Variants in RPH3A observed in about 807,000 individuals in gnomAD.
RPH3A encodes rabphilin 3A.
Under a neutral mutation model 102.2 loss-of-function variants are expected in RPH3A, and 48 were observed. That is an observed-to-expected ratio of 0.47 (90% CI 0.37 to 0.60). RPH3A has a LOEUF of 0.60. RPH3A is among the 20% of genes least tolerant of loss of function. The pLI is 0.00. For missense variants in RPH3A, 781 were observed against 910.1 expected, an observed-to-expected ratio of 0.86 and a Z score of 1.83; for synonymous variants, 310 against 324.3, an observed-to-expected ratio of 0.96 and a Z score of 0.47.
At chr12:112,637,592 C>T (rs1010630581) in intron 1 of RPH3A, among the ~76,000 whole-genome samples, 47 of 152,118 alleles carry the variant, frequency 3.1e-4, no homozygotes, top group African/African-American at 1.1e-3. Flanking sequence ...AAATACTCTG[C>T]ATATTATGCT....
chr12:112,711,347 C>T (rs1306818374), intron 1 of RPH3A, among the ~76,000 whole-genome samples: 2 of 152,104 alleles, frequency 1.3e-5, no homozygotes, highest in Non-Finnish European at 2.9e-5. Context: ...GGGCCTCCCT[C>T]CTCCTTTCTG....
intron 1 of RPH3A, among the ~76,000 whole-genome samples, chr12:112,699,308 CAT>C (rs761070113): frequency 2.0e-4 from 31 of 152,174 alleles, no homozygotes; most frequent in Admixed American, 4.6e-4. Context: ...CAAATGAAAA[CAT>C]ATGACCAGAT....
intron 1 of RPH3A, among the ~76,000 whole-genome samples, chr12:112,641,045 T>G (rs2039886573): frequency 6.6e-6 from 1 of 152,194 alleles, no homozygotes; most frequent in Non-Finnish European, 1.5e-5. Context: ...ATAGCTGAAT[T>G]AGGGTGTGTT....
At chr12:112,595,165 TA>T (rs11343955) in intron 1 of RPH3A, among the ~76,000 whole-genome samples, 107,369 of 152,128 alleles carry the variant, frequency 0.71, 39,848 homozygotes, top group East Asian at 1. Context: ...TAATAACTGC[TA>T]AATTCAGTGA....
chr12:112,879,081 A>G, intron 13 of RPH3A, 38 bp from the exon 14 acceptor site: 3 of 1,529,734 alleles, frequency 2.0e-6, no homozygotes, highest in Non-Finnish European at 2.7e-6. Flanking sequence ...GAGTGACTGA[A>G]TATTCGTTAT....
At chr12:112,803,731 A>G (rs1211332621) in intron 2 of RPH3A, among the ~76,000 whole-genome samples, 1 of 152,210 alleles carries the variant, frequency 6.6e-6, no homozygotes, top group Non-Finnish European at 1.5e-5. Context: ...GATGCAATGC[A>G]TGGACATCAT....
At chr12:112,745,419 G>A (rs1386031686) in intron 1 of RPH3A, among the ~76,000 whole-genome samples, 1 of 152,106 alleles carries the variant, frequency 6.6e-6, no homozygotes, top group Non-Finnish European at 1.5e-5. Context: ...TCACTCATTG[G>A]TTTTAGCATC....
intron 2 of RPH3A, among the ~76,000 whole-genome samples, chr12:112,815,183 G>A (rs536769615): frequency 6.2e-4 from 95 of 152,306 alleles, no homozygotes; most frequent in African/African-American, 2.2e-3. Flanking sequence ...GCTCACACAC[G>A]GGTCAGCCTC....
chr12:112,713,023 C>CTCTTCCTCTTCCTCTTCCTCTTCCTCT (rs1473414104), intron 1 of RPH3A, among the ~76,000 whole-genome samples: 1 of 52,816 alleles, frequency 1.9e-5, no homozygotes, highest in African/African-American at 1.1e-4. Context: ...CTTCCTCTTC[C>CTCTTCCTCTTCCTCTTCCTCTTCCTCT]TCTTCTTCTT....
intron 1 of RPH3A, among the ~76,000 whole-genome samples, chr12:112,761,852 T>C (rs2040856655): frequency 6.6e-6 from 1 of 152,216 alleles, no homozygotes; most frequent in Non-Finnish European, 1.5e-5. Context: ...GGACTCCCTT[T>C]TCTGTTTACT....
At chr12:112,678,237 GAAA>G (rs1470774668) in intron 1 of RPH3A, among the ~76,000 whole-genome samples, 4 of 6,414 alleles carry the variant, frequency 6.2e-4, no homozygotes, top group African/African-American at 3.0e-3. Context: ...CCTGTCGAAA[GAAA>G]GAAAGAAAGA....
intron 1 of RPH3A, among the ~76,000 whole-genome samples, chr12:112,703,186 G>A (rs1398522761): frequency 6.6e-6 from 1 of 152,228 alleles, no homozygotes; most frequent in Non-Finnish European, 1.5e-5. Flanking sequence ...GTCCAAGAAA[G>A]ATGAGAGACA....
chr12:112,889,209 G>C (rs186091139), intron 17 of RPH3A, among the ~76,000 whole-genome samples: 1 of 152,258 alleles, frequency 6.6e-6, no homozygotes, highest in South Asian at 2.1e-4. Flanking sequence ...CTAGGAATGA[G>C]GCCCTTCTTC....
At chr12:112,839,091 C>CG in intron 4 of RPH3A, among the ~76,000 whole-genome samples, 1 of 151,960 alleles carries the variant, frequency 6.6e-6, no homozygotes, top group East Asian at 1.9e-4. Flanking sequence ...AGCAGGTTAC[C>CG]ACAGTGGTCT....
intron 17 of RPH3A, among the ~76,000 whole-genome samples, chr12:112,889,787 A>G (rs2043061131): frequency 6.6e-6 from 1 of 152,206 alleles, no homozygotes; most frequent in South Asian, 2.1e-4. Flanking sequence ...TCATTTGTAA[A>G]ATTGGAATTG....
At position 112,869,764 on chromosome 12, in the gene RPH3A, A is replaced by G; in HGVS notation, c.616A>G (p.Ser206Gly). The change falls in exon 9 of 22, where the codon AGT becomes GGT. Residue 206 changes from serine to glycine, a missense_variant. Ser to Gly is a moderately conservative substitution (Grantham distance 56). Transcript: ENST00000389385. ...HPARAPARGD[S>G]EDRRGPGQKT... ...TTTGTGTTTTCTTTCTCCAGGTGAC[A>G]GTGAAGATAGGAGGGGCCCGGGTCA... The G allele has an allele frequency of 3.1e-6, 5 of 1,614,200 alleles. No homozygotes were observed. The highest frequency in any genetic ancestry group is 4.2e-6 in the Non-Finnish European group (5 of 1,180,018).
At chr12:112,867,051 G>A (rs1349410966) in intron 7 of RPH3A, among the ~76,000 whole-genome samples, 1 of 150,886 alleles carries the variant, frequency 6.6e-6, no homozygotes, top group African/African-American at 2.4e-5. Flanking sequence ...TCTGTTCATC[G>A]CCCTCTGGCC....
intron 5 of RPH3A, among the ~76,000 whole-genome samples, chr12:112,862,855 G>A (rs1226729397): frequency 1.3e-5 from 2 of 152,262 alleles, no homozygotes; most frequent in East Asian, 1.9e-4. Flanking sequence ...GGGAGAGTCA[G>A]CATTAAGTGC....
chr12:112,628,206 G>T (rs1307564618), intron 1 of RPH3A, among the ~76,000 whole-genome samples: 1 of 152,098 alleles, frequency 6.6e-6, no homozygotes, highest in Non-Finnish European at 1.5e-5. Context: ...GAGATCAGGA[G>T]AAAGTTCGAG....
Sources: gnomAD v4.1 joint callset for allele counts (sites outside exome capture counted in the v4.1 genomes callset) on GRCh38, gnomAD v4.1.1 for gene constraint, MANE v1.5 for transcripts, NCBI Gene and HGNC (gene_info 2026-07-23, HGNC 2026-07-21) for gene names.